SZT2: variants seen among roughly 807,000 people sequenced by gnomAD.
SZT2 encodes SZT2 subunit of KICSTOR complex.
In SZT2, 216 loss-of-function variants were observed where a neutral mutation model predicts 404.2. The observed-to-expected ratio is 0.53, with a 90% CI of 0.48 to 0.60. SZT2 has a LOEUF of 0.60. Among genes scored for constraint, SZT2 ranks in the 20% least tolerant of loss-of-function variants. SZT2 has a pLI of 0.00. For synonymous variants in SZT2, 1,693 were observed against 1,749.9 expected (o/e 0.97, Z 0.81); for missense variants, 3,857 against 4,459.2 (o/e 0.86, Z 3.85).
chr1:43,404,690 T>C (rs973368578), intron 4 of SZT2, 140 bp downstream of exon 4: 2 of 800,354 alleles, frequency 2.5e-6, no homozygotes, highest in African/African-American at 3.4e-5. Context: ...CTAGTCATCC[T>C]CATGAGTCTC....
At position 43,431,366 on chromosome 1, in the gene SZT2, A is replaced by T. The variant is rs761329355; in HGVS notation, c.5018A>T (p.Glu1673Val). The T allele has an allele frequency of 3.1e-6, 5 of 1,612,106 alleles. No homozygotes were observed. The highest frequency in any genetic ancestry group is 3.4e-6 in the Non-Finnish European group (4 of 1,178,340). Residue 1673 changes from glutamate to valine, a missense_variant, in exon 34 of 72, where the codon GAG (glutamate) becomes GTG (valine). Transcript: ENST00000634258. Reference protein sequence around the residue: ...GLGPPLPPPEEERHPGLSNLA... With the variant: ...GLGPPLPPPEVERHPGLSNLA... ...GGGCCCCCACTGCCACCCCCAGAAG[A>T]GGAGAGGTACTTCTTTATCTCCCTG...
At position 43,425,187 on chromosome 1, in the gene SZT2, C is replaced by CT; in HGVS notation, c.2626dup (p.Ser876PhefsTer12). On this transcript the variant is annotated frameshift_variant, in exon 18 of 72. Coordinates refer to ENST00000634258, the MANE Select transcript of SZT2 (RefSeq NM_001365999.1). LOFTEE classifies it high-confidence loss of function. The surrounding 1 kb of genome is among the most constrained non-coding windows in gnomAD (Gnocchi z 4.3). ...TCCAGTACATCCTCTTCCCCCCACA[C>CT]TCTACCTCCACCAAAGACAGGTGAG... 6.2e-7 allele frequency: 1 copy of CT among 1,614,210 alleles called. No individual in the cohort carries two copies. The highest frequency in any genetic ancestry group is 8.5e-7 in the Non-Finnish European group (1 of 1,180,036).
Position 43,443,771 on chromosome 1 carries a change from C to G in SZT2, c.8800C>G (p.Leu2934Val), listed in dbSNP as rs755756931. 4.3e-6 allele frequency: 7 copies of G among 1,613,846 alleles called. No homozygotes were observed. Among genetic ancestry groups the G allele is most frequent in the Non-Finnish European group, 5.9e-6 (7 of 1,180,034 alleles). The stretch of plus-strand genomic sequence containing the variant: ...GAGCATAGGTTTTGTGCTGGTACCA[C>G]TGCGGCCCCCCTCACCCGCCCGCAG... ...LQSIGFVLVP[L>V]RPPSPARSTS... Residue 2934 changes from leucine to valine, a missense_variant, in exon 62 of 72, where the codon CTG (leucine) becomes GTG (valine). Around this residue, in one of 7 missense-constraint regions of SZT2, gnomAD observed 717 missense variants for 868.2 expected, o/e 0.83. Transcript: ENST00000634258.
rs568068900 is a variant in SZT2, at chr1:43,430,979, C to G, written c.4805C>G (p.Pro1602Arg). The change falls in exon 33 of 72, where the codon CCA (proline) becomes CGA (arginine). Residue 1602 changes from proline (P) to arginine (R), a missense_variant. Coordinates refer to ENST00000634258, the MANE Select transcript of SZT2 (RefSeq NM_001365999.1). ...GQVLSSLEGP[P>R]VGGRVPLRDL... ...GTGCTTTCCAGTCTGGAGGGCCCCC[C>G]AGTTGGAGGCCGAGTTCCCTTGAGG... 10 of 1,614,076 alleles carry G rather than the reference C, an allele frequency of 6.2e-6. No homozygotes were observed. In the African/African-American group the frequency reaches 1.1e-4, roughly 17 times the overall value.
Position 43,450,921 on chromosome 1 carries a change from A to T in SZT2, c.*441A>T, listed in dbSNP as rs1223887229. On this transcript the variant is annotated 3_prime_UTR_variant, in exon 72 of 72. Coordinates refer to ENST00000634258, the MANE Select transcript of SZT2 (RefSeq NM_001365999.1). This position sits in a 1 kb window ranked among gnomAD's most constrained non-coding sequence, Gnocchi z 4.3. ...TTGGACATCACTGCTGGACATTCCC[A>T]TCGAGATGACACCTGGGTTCCAATC... is the stretch of plus-strand genomic sequence containing the variant. 2.7e-6 allele frequency: 2 copies of T among 749,004 alleles called. No individual in the cohort carries two copies. Among genetic ancestry groups the T allele is most frequent in the South Asian group, 2.7e-5 (2 of 73,606 alleles). The allele number at this position is 749,004 out of a possible 1,614,324, so 46.4% of individuals were successfully genotyped here.
chr1:43,420,655 G>GTTC lies in SZT2; in HGVS notation c.1262-93_1262-91dup. 8.0e-7 allele frequency: 1 copy of GTTC among 1,247,894 alleles called. No homozygotes were observed. The highest frequency in any genetic ancestry group is 1.1e-6 in the Non-Finnish European group (1 of 896,432). 77.3% of individuals were successfully genotyped at this position (1,247,894 alleles called of 1,614,324 possible). On this transcript the variant is annotated intron_variant, in intron 9 of 71. Transcript: ENST00000634258. The surrounding 1 kb of genome is among the most constrained non-coding windows in gnomAD (Gnocchi z 5.1). ...TGCTTGGAACCTTTGGCAGGACTGG[G>GTTC]TTCCATGAGGTAGGTGGGGGTTTCA...
At chr1:43,436,902 A>G (rs545287952) in intron 42 of SZT2, 2 of 504,934 alleles carry the variant, frequency 4.0e-6, no homozygotes, top group Non-Finnish European at 7.0e-6. Flanking sequence ...GGATTTCCTC[A>G]TGCTTTGCCT....
In SZT2 at chr1:43,442,914, G is replaced by C. The variant is rs1375854577; in HGVS notation, c.8247G>C (p.Gly2749=). 2 of 1,614,120 alleles carry C rather than the reference G, an allele frequency of 1.2e-6. No homozygotes were observed. The highest frequency in any genetic ancestry group is 1.7e-6 in the Non-Finnish European group (2 of 1,179,992). The stretch of plus-strand genomic sequence containing the variant: ...GCCGTGAGCAGGGCCGACTGAGTGG[G>C]TCCTCTCGTGGTGGGGGTCCTCTTC... ...PLSREQGRLS[G]SSRGGGPLPL... Residue 2749 remains glycine (G), a synonymous_variant, in exon 59 of 72, where the codon GGG becomes GGC. Coordinates refer to ENST00000634258, the MANE Select transcript of SZT2 (RefSeq NM_001365999.1). The surrounding 1 kb of genome is among the most constrained non-coding windows in gnomAD (Gnocchi z 4.5).
At chr1:43,440,897 CT>C (rs1321641163) in intron 52 of SZT2, among the ~76,000 whole-genome samples, 1 of 152,232 alleles carries the variant, frequency 6.6e-6, no homozygotes, top group Non-Finnish European at 1.5e-5. Flanking sequence ...ACTGCTCTGT[CT>C]TTTGGACTGG....
At position 43,442,656 on chromosome 1, in the gene SZT2, C is replaced by CT; in HGVS notation, c.8151+39dup. The stretch of plus-strand genomic sequence containing the variant: ...CTGGTTCTTCCTATAGTTTTGGCTA[C>CT]TGAGGGGTCAGTTAAAGGAAAAACC... On this transcript the variant is annotated intron_variant, in intron 58 of 71. Transcript: ENST00000634258. The surrounding 1 kb of genome is among the most constrained non-coding windows in gnomAD (Gnocchi z 4.5). 1 of 1,558,478 alleles carries CT rather than the reference C, an allele frequency of 6.4e-7. No homozygotes were observed. Among genetic ancestry groups the CT allele is most frequent in the African/African-American group, 1.4e-5 (1 of 73,694 alleles).
Position 43,431,488 on chromosome 1 carries a change from C to T in SZT2, c.5053C>T (p.Pro1685Ser). 6.2e-7 allele frequency: 1 copy of T among 1,614,168 alleles called. No individual in the cohort carries two copies. The highest frequency in any genetic ancestry group is 8.5e-7 in the Non-Finnish European group (1 of 1,180,026). Residue 1685 changes from proline to serine, a missense_variant, in exon 35 of 72, where the codon CCC becomes TCC. Around this residue, in one of 7 missense-constraint regions of SZT2, gnomAD observed 1,725 missense variants for 1,881.0 expected, o/e 0.92. Coordinates refer to ENST00000634258, the MANE Select transcript of SZT2 (RefSeq NM_001365999.1). The part of the protein sequence containing the change: ...RHPGLSNLAT[P>S]HRLAIETTMN... ...CCCAGGACTATCCAATTTGGCCACG[C>T]CCCACAGACTGGCTATTGAGACCAC...
At chr1:43,446,840 C>G (rs1458652672) in intron 65 of SZT2, 115 bp from the exon 66 acceptor site, 2 of 1,141,878 alleles carry the variant, frequency 1.8e-6, no homozygotes, top group Non-Finnish European at 2.5e-6. Flanking sequence ...GGGCGTTCCA[C>G]TAGGCCACAG....
In SZT2 at chr1:43,403,636, C is replaced by G. The variant is rs1649949047; in HGVS notation, c.189C>G (p.Val63=). Residue 63 remains valine, a synonymous_variant, in exon 3 of 72, where the codon GTC becomes GTG. Transcript: ENST00000634258. ...QSEQELEVLS[V]LPPGWQPDEP... ...AACAGGAATTGGAAGTCCTCAGTGT[C>G]CTGCCCCCTGGGTGGCAGCCAGATG... 10 of 1,614,134 alleles carry G rather than the reference C, an allele frequency of 6.2e-6. No homozygotes were observed. The highest frequency in any genetic ancestry group is 7.6e-6 in the Non-Finnish European group (9 of 1,180,018).
At chr1:43,419,186 T>C (rs924610448) in intron 7 of SZT2, among the ~76,000 whole-genome samples, 8 of 152,240 alleles carry the variant, frequency 5.3e-5, no homozygotes, top group African/African-American at 1.9e-4. Flanking sequence ...TGTGTGTGGC[T>C]GTGTTCCAAT....
At chr1:43,401,692 G>A (rs1649706208) in intron 1 of SZT2, among the ~76,000 whole-genome samples, 1 of 151,892 alleles carries the variant, frequency 6.6e-6, no homozygotes, top group African/African-American at 2.4e-5. Flanking sequence ...CACCATGTTG[G>A]CCAGGCTGGT....
rs866265400 is a variant in SZT2 at position 43,427,010 on chromosome 1, G to A, written c.3310-46G>A. On this transcript the variant is annotated intron_variant, in intron 23 of 71. Coordinates refer to ENST00000634258, the MANE Select transcript of SZT2 (RefSeq NM_001365999.1). Reference sequence around the variant, plus strand: ...AGGGTGGAGGAGGGGAACAGGGGTTGGACATTCCCTTATAGATTGCTCTAA... The same window carrying A: ...AGGGTGGAGGAGGGGAACAGGGGTTAGACATTCCCTTATAGATTGCTCTAA... 36 of 1,609,294 alleles carry A rather than the reference G, an allele frequency of 2.2e-5. No homozygotes were observed. In the Middle Eastern group the frequency reaches 4.6e-3, roughly 207 times the overall value.
rs540107658 is a variant in SZT2, at chr1:43,409,794, A to G, written c.498+5244A>G. On this transcript the variant is annotated intron_variant, in intron 4 of 71. Coordinates refer to ENST00000634258, the MANE Select transcript of SZT2 (RefSeq NM_001365999.1). ...AAAATTGGAATGATATTCCATGTTC[A>G]TGGATTGGAAGAATCAGTATTGTTA... is the stretch of plus-strand genomic sequence containing the variant. The G allele has an allele frequency of 1.0e-3, 173 of 169,620 alleles. 1 individual carries two copies. Among genetic ancestry groups the G allele is most frequent in the Non-Finnish European group, 1.5e-3 (115 of 78,160 alleles). 10.5% of individuals were successfully genotyped at this position (169,620 alleles called of 1,614,324 possible).
Position 43,420,391 on chromosome 1 carries a change from ATGTAT to A in SZT2, c.1261+69_1261+73del. On this transcript the variant is annotated intron_variant, in intron 9 of 71. Coordinates refer to ENST00000634258, the MANE Select transcript of SZT2 (RefSeq NM_001365999.1). This position sits in a 1 kb window ranked among gnomAD's most constrained non-coding sequence, Gnocchi z 5.1. ...AGAATTTGTGTGTGGGAAGACCCAC[ATGTAT>A]CACACATGAAAGAGTGTCACATTGA... The A allele has an allele frequency of 1.4e-6, 2 of 1,467,474 alleles. No homozygotes were observed. The highest frequency in any genetic ancestry group is 1.8e-6 in the Non-Finnish European group (2 of 1,108,100). 90.9% of individuals were successfully genotyped at this position (1,467,474 alleles called of 1,614,324 possible).
rs1652160368 is a variant in SZT2, at chr1:43,420,059, C to T, written c.1091-94C>T. On this transcript the variant is annotated intron_variant, in intron 8 of 71. Transcript: ENST00000634258. The surrounding 1 kb of genome is among the most constrained non-coding windows in gnomAD (Gnocchi z 5.1). ...GGGGCTGGCTCTGCTGGCACTGTTA[C>T]CTCACAGTCATTTCAGCATAGCCCC... 4 of 1,563,802 alleles carry T rather than the reference C, an allele frequency of 2.6e-6. No individual in the cohort carries two copies. The Admixed American group carries it at 5.1e-5, about 20-fold the overall frequency.
Sources: allele counts gnomAD v4.1 joint callset (sites outside exome capture counted in the v4.1 genomes callset), GRCh38; gene constraint gnomAD v4.1.1; regional missense constraint gnomAD v4.1.1; non-coding constraint Gnocchi (gnomAD v3.1); transcripts MANE v1.5; gene names NCBI Gene and HGNC (gene_info 2026-07-23, HGNC 2026-07-21).